Variants in GOSR2 observed in about 807,000 individuals in gnomAD.
GOSR2 encodes the protein golgi SNAP receptor complex member 2.
GOSR2 carries 20 observed loss-of-function variants against 27.9 expected under a neutral mutation model. The observed-to-expected ratio is 0.72, with a 90% CI of 0.50 to 1.04. The LOEUF is 1.04. Among genes scored for constraint, GOSR2 ranks in the 50% least tolerant of loss-of-function variants. GOSR2 has a pLI of 0.00. For missense variants in GOSR2, 261 were observed against 270.5 expected, an observed-to-expected ratio of 0.97 and a Z score of 0.25; for synonymous variants, 91 against 98.8, an observed-to-expected ratio of 0.92 and a Z score of 0.47.
At chr17:46,954,828 T>C (rs1445634020) in intron 6 of GOSR2, among the ~76,000 whole-genome samples, 1 of 152,122 alleles carries the variant, frequency 6.6e-6, no homozygotes, top group Non-Finnish European at 1.5e-5. Flanking sequence ...CTGTCTGTTA[T>C]TGGTGTATAA....
chr17:46,925,369 A>G lies in GOSR2; in HGVS notation c.29+2148A>G, dbSNP rs540471611. On this transcript the variant is annotated intron_variant, in intron 1 of 5. Coordinates refer to ENST00000640051, the MANE Select transcript of GOSR2 (RefSeq NM_004287.5). ...TTCATTGAATATTTATTGAGCACCT[A>G]CTATGTGCTGTGCACCATTCTCAGT... Among the ~76,000 whole-genome samples the G allele has an allele frequency of 4.6e-5, 7 of 152,322 alleles. No individual in the cohort carries two copies. The East Asian group carries it at 1.2e-3, about 25-fold the overall frequency.
chr17:46,947,347 C>T (rs1465144606), intron 6 of GOSR2, among the ~76,000 whole-genome samples: 4 of 152,156 alleles, frequency 2.6e-5, no homozygotes, highest in African/African-American at 9.7e-5. Flanking sequence ...CCTGAACTAC[C>T]CCTGCTCCCT....
At chr17:46,955,977 T>C (rs2090681708) in intron 6 of GOSR2, among the ~76,000 whole-genome samples, 1 of 152,176 alleles carries the variant, frequency 6.6e-6, no homozygotes, top group African/African-American at 2.4e-5. Context: ...ATGCTGTCTC[T>C]CCTCACATCA....
At chr17:46,955,780 C>T (rs2090667074) in intron 6 of GOSR2, 1 of 152,266 alleles carries the variant, frequency 6.6e-6, no homozygotes, top group African/African-American at 2.4e-5. Flanking sequence ...TTCAGCAGTA[C>T]TTGGGTTCCA....
intron 5 of GOSR2, chr17:46,936,532 C>T: frequency 1.0e-6 from 1 of 985,560 alleles, no homozygotes; most frequent in Non-Finnish European, 1.2e-6. Flanking sequence ...CACACCCTGC[C>T]TCCGTCGGGA....
At chr17:46,927,357 A>G (rs1265374717) in intron 1 of GOSR2, among the ~76,000 whole-genome samples, 1 of 152,162 alleles carries the variant, frequency 6.6e-6, no homozygotes, top group East Asian at 1.9e-4. Context: ...GGTGTACAGA[A>G]GTTTTTTGTT....
In GOSR2 at chr17:46,929,581, C is replaced by T. The variant is rs2086996710; in HGVS notation, c.91C>T (p.His31Tyr). The part of the protein sequence containing the change: ...RLETADKQSV[H>Y]IVENEIQASI... Reference sequence around the variant, plus strand: ...GGAGACGGCAGACAAGCAGTCTGTGCACAGTGAGTAATTAACTGTGGAGAC... The same window carrying T: ...GGAGACGGCAGACAAGCAGTCTGTGTACAGTGAGTAATTAACTGTGGAGAC... Residue 31 changes from histidine (H) to tyrosine (Y), a missense_variant, in exon 2 of 6, where the codon CAC becomes TAC. Physicochemically the swap from His to Tyr is moderately conservative, Grantham distance 83. Coordinates refer to ENST00000640051, the MANE Select transcript of GOSR2 (RefSeq NM_004287.5). 6.8e-7 allele frequency: 1 copy of T among 1,471,788 alleles called. No homozygotes were observed. Among genetic ancestry groups the T allele is most frequent in the Non-Finnish European group, 9.5e-7 (1 of 1,049,966 alleles). The allele number at this position is 1,471,788 out of a possible 1,614,324, so 91.2% of individuals were successfully genotyped here. A position where few individuals can be genotyped will look rare whatever the true frequency, so the allele number is the denominator to read the frequency against.
intron 3 of GOSR2, chr17:46,931,715 A>G (rs1315090500): frequency 8.4e-6 from 3 of 356,014 alleles, no homozygotes; most frequent in South Asian, 6.6e-5. Context: ...CTTTACCTCA[A>G]AGATGCCCTT....
intron 6 of GOSR2, among the ~76,000 whole-genome samples, chr17:46,959,720 T>C (rs530012043): frequency 6.6e-6 from 1 of 152,312 alleles, no homozygotes; most frequent in South Asian, 2.1e-4. Flanking sequence ...TTTTTTCCTA[T>C]TCTGGGCTCT....
rs2089151931 is a variant in GOSR2, at chr17:46,940,657, A to G, written c.*1897A>G. The G allele has an allele frequency of 6.2e-7, 1 of 1,613,142 alleles. No individual in the cohort carries two copies. Reference sequence around the variant, plus strand: ...CTGGGAGGCAGAAGTCCCCGCACCCATCATGCGTGGACTGATAGGACATCT... The same window carrying G: ...CTGGGAGGCAGAAGTCCCCGCACCCGTCATGCGTGGACTGATAGGACATCT... On this transcript the variant is annotated 3_prime_UTR_variant, in exon 6 of 6. Transcript: ENST00000640051.
intron 6 of GOSR2, among the ~76,000 whole-genome samples, chr17:46,972,414 C>A (rs1318143516): frequency 2.0e-5 from 3 of 152,226 alleles, no homozygotes; most frequent in African/African-American, 7.2e-5. Context: ...GGAAGGAGAA[C>A]CTGGGACAGG....
chr17:46,931,338 A>ACTAT, intron 3 of GOSR2, 131 bp downstream of exon 3: 1 of 693,546 alleles, frequency 1.4e-6, no homozygotes, highest in South Asian at 1.6e-5. Context: ...GCAAAGAAAA[A>ACTAT]GCCCCCTCAA....
chr17:46,940,823 G>A lies in GOSR2; in HGVS notation c.*2063G>A. ...TTTGGGTCTTTACCACCTGCGGCTGGTGGACAGCAGCCAGTGTGTCTGGAC... is the reference window on the plus strand; with the variant it reads ...TTTGGGTCTTTACCACCTGCGGCTGATGGACAGCAGCCAGTGTGTCTGGAC... On this transcript the variant is annotated 3_prime_UTR_variant, in exon 6 of 6. Transcript: ENST00000640051. The A allele has an allele frequency of 6.8e-7, 1 of 1,465,000 alleles. No homozygotes were observed. The highest frequency in any genetic ancestry group is 9.0e-7 in the Non-Finnish European group (1 of 1,109,864). The allele number at this position is 1,465,000 out of a possible 1,614,324, so 90.8% of individuals were successfully genotyped here.
intron 6 of GOSR2, among the ~76,000 whole-genome samples, chr17:46,958,019 G>A (rs937488476): frequency 2.0e-5 from 3 of 152,188 alleles, no homozygotes; most frequent in Non-Finnish European, 4.4e-5. Flanking sequence ...GGGGCTTATG[G>A]CTGCTGCTTT....
At chr17:46,945,710 GCCT>G (rs1265908683), downstream of GOSR2, among the ~76,000 whole-genome samples, 3 of 152,108 alleles carry the variant, frequency 2.0e-5, no homozygotes, top group Non-Finnish European at 2.9e-5. Flanking sequence ...GCAACTTCTG[GCCT>G]CCTCTAAGAG....
At chr17:46,964,604 T>G (rs550570938) in intron 6 of GOSR2, 1 of 152,344 alleles carries the variant, frequency 6.6e-6, no homozygotes, top group Non-Finnish European at 1.5e-5. Flanking sequence ...TCAGAGACCA[T>G]CTAGTCCAGC....
At chr17:46,945,315 A>G (rs557936674), downstream of GOSR2, among the ~76,000 whole-genome samples, 1 of 152,256 alleles carries the variant, frequency 6.6e-6, no homozygotes, top group Admixed American at 6.5e-5. Flanking sequence ...TGCTGCTGAG[A>G]TGCTACTGAG....
At chr17:46,952,592 A>G (rs1055130661) in intron 6 of GOSR2, 1 of 152,224 alleles carries the variant, frequency 6.6e-6, no homozygotes, top group Non-Finnish European at 1.5e-5. Context: ...CAAAAGGAAC[A>G]TGGCTCCTTT....
intron 5 of GOSR2, chr17:46,936,550 C>T (rs1185099239): frequency 1.0e-6 from 1 of 985,436 alleles, no homozygotes; most frequent in Non-Finnish European, 1.2e-6. Flanking sequence ...GGATTTTCCA[C>T]CTACACCATT....
Sources: allele counts gnomAD v4.1 joint callset (sites outside exome capture counted in the v4.1 genomes callset), GRCh38; gene constraint gnomAD v4.1.1; transcripts MANE v1.5; gene names NCBI Gene and HGNC (gene_info 2026-07-23, HGNC 2026-07-21).